PRKCZ: variants seen among roughly 807,000 people sequenced by gnomAD.
The protein encoded by PRKCZ is protein kinase C zeta type.
A neutral mutation model predicts 79.5 loss-of-function variants in PRKCZ; 33 were observed. That is an observed-to-expected ratio of 0.41 (90% CI 0.31 to 0.55). The LOEUF is 0.55. Ranked by LOEUF, PRKCZ falls within the 20% of genes least tolerant of loss-of-function variation. The probability of loss-of-function intolerance (pLI) is 0.19; values close to 1 mark genes in which losing one functional copy is unlikely to be tolerated. For missense variants in PRKCZ, 578 were observed against 813.5 expected, an observed-to-expected ratio of 0.71 and a Z score of 3.52; for synonymous variants, 342 against 320.9, an observed-to-expected ratio of 1.07 and a Z score of -0.70.
chr1:2,093,548 A>C (rs964589920), intron 4 of PRKCZ, among the ~76,000 whole-genome samples: 3 of 152,124 alleles, frequency 2.0e-5, no homozygotes, highest in Admixed American at 6.5e-5. Flanking sequence ...CTGCTCAGCC[A>C]GTCTCCCTGG....
chr1:2,177,498 G>A lies in PRKCZ; in HGVS notation c.1575+2185G>A, dbSNP rs980572184. 1.3e-5 allele frequency among the ~76,000 whole-genome samples: 2 copies of A among 152,172 alleles called. No homozygotes were observed. The highest frequency in any genetic ancestry group is 2.9e-5 in the Non-Finnish European group (2 of 68,030). The stretch of plus-strand genomic sequence containing the variant: ...GTCTCTCAACCACTCTTGGTTTACC[G>A]GGAGTGGACAGATGAGGACAGATGG... On this transcript the variant is annotated intron_variant, in intron 16 of 17. Transcript: ENST00000378567. The surrounding 1 kb of genome is among the most constrained non-coding windows in gnomAD (Gnocchi z 6.4).
chr1:2,081,542 G>T (rs566917021), intron 4 of PRKCZ, among the ~76,000 whole-genome samples: 2 of 152,358 alleles, frequency 1.3e-5, no homozygotes, highest in African/African-American at 4.8e-5. Context: ...TGGGCCCTGG[G>T]AGGTGATTGG....
chr1:2,049,805 G>C (rs1659483485), upstream of PRKCZ: 1 of 152,344 alleles, frequency 6.6e-6, no homozygotes, highest in Non-Finnish European at 1.5e-5. Context: ...AGAAATGAAG[G>C]TCATGGGCGA....
Position 2,121,842 on chromosome 1 carries a change from T to G in PRKCZ, c.335-13420T>G, listed in dbSNP as rs113268775. Among the ~76,000 whole-genome samples, 4 of 3,166 alleles carry G rather than the reference T, an allele frequency of 1.3e-3. 1 individual carries two copies. The highest frequency in any genetic ancestry group is 0.059 in the East Asian group (2 of 34). 2.1% of individuals were successfully genotyped at this position (3,166 alleles called of 152,430 possible). On this transcript the variant is annotated intron_variant, in intron 4 of 17. Transcript: ENST00000378567. ...GGTGGTTAGGGTCGTGGTAGTTAGG[T>G]TCATGGTGGTGGTTAGGGTCGTGGT...
intron 4 of PRKCZ, among the ~76,000 whole-genome samples, chr1:2,104,079 G>T (rs1039870059): frequency 6.6e-6 from 1 of 152,118 alleles, no homozygotes; most frequent in Admixed American, 6.5e-5. Flanking sequence ...GGGGAGGGGG[G>T]TCTTCCAGGA....
intron 7 of PRKCZ, among the ~76,000 whole-genome samples, chr1:2,148,325 C>T (rs1405387418): frequency 6.6e-6 from 1 of 151,642 alleles, no homozygotes; most frequent in Non-Finnish European, 1.5e-5. Context: ...TGTCCACTGA[C>T]CTCTCCATCT....
At position 2,056,539 on chromosome 1, in the gene PRKCZ, C is replaced by T. The variant is rs554965806; in HGVS notation, c.249C>T (p.Ala83=). Residue 83 remains alanine (A), a synonymous_variant, in exon 3 of 18, where the codon GCC becomes GCT. Coordinates refer to ENST00000378567, the MANE Select transcript of PRKCZ (RefSeq NM_002744.6). ...QMELEEAFRL[A]RQCRDEGLII... ...AGCTGGAAGAGGCTTTCCGCCTGGC[C>T]CGTCAGTGCAGGGATGAAGGCCTCA... 6.2e-7 allele frequency: 1 copy of T among 1,613,938 alleles called. No individual in the cohort carries two copies. The highest frequency in any genetic ancestry group is 2.2e-5 in the East Asian group (1 of 44,874).
chr1:2,148,993 G>T, intron 8 of PRKCZ, 69 bp downstream of exon 8: 3 of 1,519,358 alleles, frequency 2.0e-6, no homozygotes, highest in South Asian at 2.3e-5. Flanking sequence ...TGTCTCTGGG[G>T]TAGTCACGGA....
chr1:2,111,290 A>G (rs1006467056), intron 4 of PRKCZ, among the ~76,000 whole-genome samples: 6 of 151,980 alleles, frequency 3.9e-5, no homozygotes, highest in Non-Finnish European at 7.4e-5. Flanking sequence ...AGGGAACCCC[A>G]CGGCAACTGT....
chr1:2,162,391 C>G (rs1682494000), intron 10 of PRKCZ, among the ~76,000 whole-genome samples: 1 of 152,340 alleles, frequency 6.6e-6, no homozygotes, highest in South Asian at 2.1e-4. Context: ...CTGGGCCTCC[C>G]AAAGTGCTGG....
chr1:2,071,576 A>G (rs1661593141), intron 4 of PRKCZ: 2 of 185,684 alleles, frequency 1.1e-5, no homozygotes, highest in African/African-American at 4.8e-5. Context: ...TGGAAAAGCT[A>G]GTTTTCCCCC....
chr1:2,097,207 C>A (rs2102547131), intron 4 of PRKCZ, among the ~76,000 whole-genome samples: 1 of 152,304 alleles, frequency 6.6e-6, no homozygotes, highest in South Asian at 2.1e-4. Flanking sequence ...ACACCAGTGT[C>A]CATGCCCAGA....
In PRKCZ at chr1:2,097,462, C is replaced by T. The variant is rs557383869; in HGVS notation, c.335-37800C>T. Among the ~76,000 whole-genome samples, 16 of 152,306 alleles carry T rather than the reference C, an allele frequency of 1.1e-4. No individual in the cohort carries two copies. In the South Asian group the frequency reaches 1.7e-3, roughly 16 times the overall value. On this transcript the variant is annotated intron_variant, in intron 4 of 17. Transcript: ENST00000378567. Reference sequence around the variant, plus strand: ...TCACTGGCGAGAGGGCTGGGTGGCCCGGCGATCAACCTGAAGGCATTCCTT... The same window carrying T: ...TCACTGGCGAGAGGGCTGGGTGGCCTGGCGATCAACCTGAAGGCATTCCTT...
intron 6 of PRKCZ, 86 bp downstream of exon 6, chr1:2,144,427 A>G: frequency 6.6e-7 from 1 of 1,512,092 alleles, no homozygotes; most frequent in Non-Finnish European, 8.9e-7. Context: ...GACCTTGGTG[A>G]CCCTGGGTTC....
In PRKCZ at chr1:2,149,466, G is replaced by A. The variant is rs1679392174; in HGVS notation, c.687+542G>A. Among the ~76,000 whole-genome samples, 1 of 152,190 alleles carries A rather than the reference G, an allele frequency of 6.6e-6. No homozygotes were observed. Among genetic ancestry groups the A allele is most frequent in the South Asian group, 2.1e-4 (1 of 4,838 alleles). ...TAAAACCCAGGGAAGGACTGCACTA[G>A]CGAAGCCCACTCCTTTCCAGAGCAC... On this transcript the variant is annotated intron_variant, in intron 8 of 17. Coordinates refer to ENST00000378567, the MANE Select transcript of PRKCZ (RefSeq NM_002744.6). This position sits in a 1 kb window ranked among gnomAD's most constrained non-coding sequence, Gnocchi z 4.1.
At chr1:2,144,374 A>G in intron 6 of PRKCZ, 33 bp downstream of exon 6, 5 of 1,551,442 alleles carry the variant, frequency 3.2e-6, no homozygotes, top group South Asian at 1.2e-5. Context: ...CCCGGGGGGC[A>G]CGGGCGGGGT....
intron 4 of PRKCZ, among the ~76,000 whole-genome samples, chr1:2,132,029 T>G (rs552185728): frequency 6.5e-4 from 99 of 152,320 alleles, no homozygotes; most frequent in African/African-American, 2.2e-3. Context: ...GCCAGGATGG[T>G]CTCGATCTCC....
chr1:2,096,999 C>T (rs981169361), intron 4 of PRKCZ, among the ~76,000 whole-genome samples: 3 of 152,200 alleles, frequency 2.0e-5, no homozygotes, highest in African/African-American at 7.2e-5. Context: ...GGCACCAGTC[C>T]CTGTTGAGCA....
At position 2,146,102 on chromosome 1, in the gene PRKCZ, G is replaced by C; in HGVS notation, c.628G>C (p.Asp210His). Residue 210 changes from aspartate to histidine, a missense_variant, in exon 7 of 18, where the codon GAT (aspartate) becomes CAT (histidine). Transcript: ENST00000378567. The part of the protein sequence containing the change: ...EDADLPSEET[D>H]GIAYISSSRK... ...CGCCGACCTTCCTTCCGAGGAGACAGATGGAAGTAGGCGCTGCTTTCTTCC... is the reference window on the plus strand; with the variant it reads ...CGCCGACCTTCCTTCCGAGGAGACACATGGAAGTAGGCGCTGCTTTCTTCC... 1 of 1,613,584 alleles carries C rather than the reference G, an allele frequency of 6.2e-7. No individual in the cohort carries two copies. The highest frequency in any genetic ancestry group is 8.5e-7 in the Non-Finnish European group (1 of 1,179,486).
Sources: gnomAD v4.1 joint callset for allele counts (sites outside exome capture counted in the v4.1 genomes callset) on GRCh38, gnomAD v4.1.1 for gene constraint, Gnocchi (gnomAD v3.1) non-coding constraint, MANE v1.5 for transcripts, NCBI Gene and HGNC (gene_info 2026-07-23, HGNC 2026-07-21) for gene names.